The following TNFRSF10B variants were observed in gnomAD, a reference collection of about 807,000 sequenced individuals.
TNFRSF10B encodes TNF receptor superfamily member 10b.
In TNFRSF10B, 35 loss-of-function variants were observed where a neutral mutation model predicts 41.4. The ratio of observed to expected loss-of-function variants is 0.85; its 90% CI spans 0.65 to 1.12. The LOEUF is 1.12. Among genes scored for constraint, TNFRSF10B ranks in the 50% most tolerant of loss-of-function variants. TNFRSF10B has a pLI of 0.00. For synonymous variants in TNFRSF10B, 230 were observed against 215.5 expected (o/e 1.07, Z -0.59); for missense variants, 584 against 552.7 (o/e 1.06, Z -0.57).
At chr8:23,035,489 C>T (rs1210896169) in intron 2 of TNFRSF10B, among the ~76,000 whole-genome samples, 2 of 152,084 alleles carry the variant, frequency 1.3e-5, no homozygotes, top group Admixed American at 6.6e-5. Flanking sequence ...ACACACAAGA[C>T]GATCCATTAT....
In TNFRSF10B at chr8:23,030,866, T is replaced by C. The variant is rs1259943458; in HGVS notation, c.257A>G (p.His86Arg). Residue 86 changes from histidine to arginine, a missense_variant, in exon 3 of 9, where the codon CAT (histidine) becomes CGT (arginine). Coordinates refer to ENST00000276431, the MANE Select transcript of TNFRSF10B (RefSeq NM_003842.5). ...PSEGLCPPGH[H>R]ISEDGRDCIS... ...GCAATCTCTACCGTCTTCTGAGATA[T>C]GGTGTCCTGGGAGGGGAGAGAAAAG... The C allele has an allele frequency of 1.2e-5, 19 of 1,608,440 alleles. No homozygotes were observed. The highest frequency in any genetic ancestry group is 4.5e-5 in the East Asian group (2 of 44,800).
At position 23,020,263 on chromosome 8, in the gene TNFRSF10B, A is replaced by G; in HGVS notation, c.*2408T>C. The G allele has an allele frequency of 2.2e-6, 1 of 454,170 alleles. No homozygotes were observed. Among genetic ancestry groups the G allele is most frequent in the Non-Finnish European group, 4.4e-6 (1 of 226,774 alleles). The allele number at this position is 454,170 out of a possible 1,614,324, so 28.1% of individuals were successfully genotyped here. A position where few individuals can be genotyped will look rare whatever the true frequency, so the allele number is the denominator to read the frequency against. ...GGACCTTTGACAGGGCAGAAGCATG[A>G]AAGGACACCAACCACGAGTGACACA... is the stretch of plus-strand genomic sequence containing the variant. On this transcript the variant is annotated 3_prime_UTR_variant, in exon 9 of 9. Coordinates refer to ENST00000276431, the MANE Select transcript of TNFRSF10B (RefSeq NM_003842.5).
At chr8:23,064,031 C>T (rs897610250) in intron 1 of TNFRSF10B, among the ~76,000 whole-genome samples, 1 of 152,256 alleles carries the variant, frequency 6.6e-6, no homozygotes, top group Admixed American at 6.5e-5. Context: ...AGGCGCCTGG[C>T]GACCGCATAT....
intron 6 of TNFRSF10B, 143 bp downstream of exon 6, chr8:23,027,579 C>A: frequency 3.5e-6 from 4 of 1,152,780 alleles, no homozygotes; most frequent in Non-Finnish European, 5.0e-6. Context: ...ATGTGTCCCC[C>A]ACAGTCAGCC....
At chr8:23,031,375 C>CTATTTATTTATTTATTTATTTATT (rs61141147) in intron 2 of TNFRSF10B, among the ~76,000 whole-genome samples, 1 of 140,484 alleles carries the variant, frequency 7.1e-6, no homozygotes, top group African/African-American at 2.7e-5. Flanking sequence ...TGCACCCGGC[C>CTATTTATTTATTTATTTATTTATT]TATTTATTTA....
At chr8:23,043,593 C>T (rs897136431) in intron 1 of TNFRSF10B, among the ~76,000 whole-genome samples, 6 of 151,792 alleles carry the variant, frequency 4.0e-5, no homozygotes. Flanking sequence ...TATGCCTATT[C>T]TCTCTTTCTC....
At chr8:23,046,025 C>T (rs1261647954) in intron 1 of TNFRSF10B, among the ~76,000 whole-genome samples, 2 of 152,152 alleles carry the variant, frequency 1.3e-5, no homozygotes, top group Non-Finnish European at 1.5e-5. Context: ...ATATCAGGAA[C>T]AACACAAGGA....
rs11991499 is a variant in TNFRSF10B at position 23,022,095 on chromosome 8, G to A, written c.*576C>T. The A allele has an allele frequency of 7.1e-6, 3 of 424,238 alleles. No homozygotes were observed. The highest frequency in any genetic ancestry group is 1.7e-5 in the South Asian group (1 of 59,006). The allele number at this position is 424,238 out of a possible 1,614,324, so 26.3% of individuals were successfully genotyped here. A position where few individuals can be genotyped will look rare whatever the true frequency, so the allele number is the denominator to read the frequency against. ...GCAACATAGAGAGCCCCTATATCTA[G>A]ACAAAATACAAAAAATTAGCCGGGC... On this transcript the variant is annotated 3_prime_UTR_variant, in exon 9 of 9. Coordinates refer to ENST00000276431, the MANE Select transcript of TNFRSF10B (RefSeq NM_003842.5).
intron 1 of TNFRSF10B, among the ~76,000 whole-genome samples, chr8:23,061,540 T>C (rs1340543587): frequency 1.3e-5 from 2 of 152,246 alleles, no homozygotes; most frequent in Admixed American, 6.5e-5. Context: ...TTTCTTTTTC[T>C]TGCCTGTTTT....
intron 2 of TNFRSF10B, among the ~76,000 whole-genome samples, chr8:23,034,944 A>G (rs1811988906): frequency 6.6e-6 from 1 of 152,170 alleles, no homozygotes; most frequent in Non-Finnish European, 1.5e-5. Context: ...ATATGGTTTC[A>G]TTGTTTGAGC....
intron 1 of TNFRSF10B, among the ~76,000 whole-genome samples, chr8:23,053,632 C>T (rs1812583395): frequency 6.6e-6 from 1 of 152,162 alleles, no homozygotes; most frequent in Admixed American, 6.5e-5. Context: ...TCTCTTAGAG[C>T]ACTAACCTTC....
At chr8:23,024,366 GA>G (rs1811639354) in intron 7 of TNFRSF10B, 106 bp from the exon 8 acceptor site, 1 of 1,265,360 alleles carries the variant, frequency 7.9e-7, no homozygotes, top group Admixed American at 1.8e-5. Flanking sequence ...GTCACTTCCA[GA>G]ACATTGTTCT....
intron 2 of TNFRSF10B, among the ~76,000 whole-genome samples, chr8:23,042,348 T>C (rs551907250): frequency 6.6e-5 from 10 of 152,324 alleles, no homozygotes; most frequent in Non-Finnish European, 1.2e-4. Flanking sequence ...AGCCACTGCT[T>C]GCCACACTTG....
At chr8:23,058,426 C>T (rs1812731609) in intron 1 of TNFRSF10B, among the ~76,000 whole-genome samples, 1 of 151,406 alleles carries the variant, frequency 6.6e-6, no homozygotes, top group South Asian at 2.1e-4. Context: ...TTACCTGTTC[C>T]TTCTTACCTG....
chr8:23,047,367 A>G (rs1377662182), intron 1 of TNFRSF10B, among the ~76,000 whole-genome samples: 2 of 152,094 alleles, frequency 1.3e-5, no homozygotes, highest in African/African-American at 2.4e-5. Flanking sequence ...CAAAAAAAAA[A>G]AAAAAAAGTT....
At position 23,027,119 on chromosome 8, in the gene TNFRSF10B, T is replaced by C; in HGVS notation, c.936+14A>G. ...CAGCATGCCAGGAAACAAAATGATCTGTCCCCCACTCACCAGCAGATGCTC... is the reference window on the plus strand; with the variant it reads ...CAGCATGCCAGGAAACAAAATGATCCGTCCCCCACTCACCAGCAGATGCTC... On this transcript the variant is annotated intron_variant, in intron 7 of 8. Transcript: ENST00000276431. The C allele has an allele frequency of 1.9e-6, 3 of 1,613,828 alleles. No homozygotes were observed. The highest frequency in any genetic ancestry group is 2.5e-6 in the Non-Finnish European group (3 of 1,180,012).
chr8:23,060,280 A>G (rs548588330), intron 1 of TNFRSF10B, among the ~76,000 whole-genome samples: 4 of 152,240 alleles, frequency 2.6e-5, no homozygotes, highest in African/African-American at 7.2e-5. Context: ...TAGCACTTAC[A>G]TTTACATCTT....
intron 8 of TNFRSF10B, among the ~76,000 whole-genome samples, chr8:23,023,697 GAATATATTTAA>G (rs1811614351): frequency 6.6e-6 from 1 of 152,202 alleles, no homozygotes; most frequent in African/African-American, 2.4e-5. Flanking sequence ...GTATGGTACT[GAATATATTTAA>G]AATATAATTT....
chr8:23,024,352 G>A, intron 7 of TNFRSF10B, 92 bp from the exon 8 acceptor site: 1 of 1,347,766 alleles, frequency 7.4e-7, no homozygotes, highest in Non-Finnish European at 1.1e-6. Flanking sequence ...GAGACCTGCA[G>A]CACGTCACTT....
Sources: gnomAD v4.1 joint callset for allele counts (sites outside exome capture counted in the v4.1 genomes callset) on GRCh38, gnomAD v4.1.1 for gene constraint, MANE v1.5 for transcripts, NCBI Gene and HGNC (gene_info 2026-07-23, HGNC 2026-07-21) for gene names.